Variants in MAP4 observed in about 807,000 individuals in gnomAD.
MAP4 encodes microtubule-associated protein 4.
Under a neutral mutation model 170.2 loss-of-function variants are expected in MAP4, and 76 were observed. The observed-to-expected ratio is 0.45, with a 90% CI of 0.37 to 0.54. The LOEUF is 0.54. MAP4 is among the 20% of genes least tolerant of loss of function. MAP4 has a pLI of 0.00. For synonymous variants in MAP4, 909 were observed against 994.5 expected (o/e 0.91, Z 1.62); for missense variants, 2,506 against 2,748.0 (o/e 0.91, Z 1.97).
intron 1 of MAP4, among the ~76,000 whole-genome samples, chr3:48,052,003 C>T (rs1357391106): frequency 3.3e-5 from 5 of 152,072 alleles, no homozygotes; most frequent in Admixed American, 2.6e-4. Flanking sequence ...GAGAGGTTGT[C>T]CTCTAAACTG....
At chr3:47,955,875 T>C (rs1057175366) in intron 3 of MAP4, among the ~76,000 whole-genome samples, 3 of 152,172 alleles carry the variant, frequency 2.0e-5, no homozygotes, top group Non-Finnish European at 2.9e-5. Flanking sequence ...CCAATGATAC[T>C]TGAAGTGTCC....
At chr3:47,866,218 C>A (rs1384317352) in intron 17 of MAP4, among the ~76,000 whole-genome samples, 1 of 150,832 alleles carries the variant, frequency 6.6e-6, no homozygotes, top group Non-Finnish European at 1.5e-5. Context: ...ATGCCTGTAG[C>A]CCCAGCTACT....
intron 1 of MAP4, among the ~76,000 whole-genome samples, chr3:48,062,324 C>A (rs1357964433): frequency 2.6e-5 from 4 of 151,766 alleles, no homozygotes; most frequent in Admixed American, 6.6e-5. Flanking sequence ...GTCATCACCA[C>A]TCCCTAATCT....
chr3:47,963,366 A>G (rs2100072850), intron 3 of MAP4, among the ~76,000 whole-genome samples: 1 of 152,200 alleles, frequency 6.6e-6, no homozygotes, highest in Non-Finnish European at 1.5e-5. Flanking sequence ...ACTGAAAATA[A>G]TTTCTGTCAC....
chr3:47,886,359 G>A (rs1559906054), intron 10 of MAP4, among the ~76,000 whole-genome samples: 7 of 152,150 alleles, frequency 4.6e-5, no homozygotes, highest in Admixed American at 4.6e-4. Context: ...GGAGCACAGT[G>A]GCATGATCTT....
At chr3:47,883,337 C>A (rs979787115) in intron 10 of MAP4, among the ~76,000 whole-genome samples, 1 of 152,124 alleles carries the variant, frequency 6.6e-6, no homozygotes, top group African/African-American at 2.4e-5. Flanking sequence ...GATTCTCCTG[C>A]CTCAGCCTTC....
chr3:47,875,952 TCAAA>T (rs758291799), intron 11 of MAP4, 52 bp from the exon 12 acceptor site: 4 of 1,262,818 alleles, frequency 3.2e-6, no homozygotes, highest in South Asian at 1.3e-5. Context: ...AAGGGCAACA[TCAAA>T]CAGACAAGAA....
At position 47,916,480 on chromosome 3, in the gene MAP4, G is replaced by A; in HGVS notation, c.1347C>T (p.Asp449=). 1 of 1,614,176 alleles carries A rather than the reference G, an allele frequency of 6.2e-7. No individual in the cohort carries two copies. The highest frequency in any genetic ancestry group is 8.5e-7 in the Non-Finnish European group (1 of 1,180,026). ...CGTTGGTTTCCGGGGGCAGTGTCATGTCCCTGGCCAGGGCTACCTCTGTTT... is the reference window on the plus strand; with the variant it reads ...CGTTGGTTTCCGGGGGCAGTGTCATATCCCTGGCCAGGGCTACCTCTGTTT... ...SSETEVALAR[D]MTLPPETNVI... The change falls in exon 7 of 21, where the codon GAC becomes GAT. Residue 449 remains aspartate (D), a synonymous_variant. Coordinates refer to ENST00000683076, the MANE Select transcript of MAP4 (RefSeq NM_001385682.1).
upstream of MAP4, among the ~76,000 whole-genome samples, chr3:48,016,778 ATT>A (rs35747048): frequency 1.4e-5 from 2 of 146,400 alleles, no homozygotes; most frequent in Non-Finnish European, 1.5e-5. Context: ...TTCTAAAGGC[ATT>A]TTTTTTTTTT....
chr3:48,056,396 T>G (rs1579634901), intron 1 of MAP4, among the ~76,000 whole-genome samples: 1 of 60,590 alleles, frequency 1.7e-5, no homozygotes, highest in Non-Finnish European at 3.3e-5. Flanking sequence ...GATGGGGGGG[T>G]CAGCCCCCCC....
intron 1 of MAP4, among the ~76,000 whole-genome samples, chr3:48,073,443 CT>C (rs1171043017): frequency 2.0e-5 from 3 of 151,808 alleles, no homozygotes; most frequent in African/African-American, 4.8e-5. Flanking sequence ...GAAACCCCGA[CT>C]CTACTAAAAA....
chr3:48,062,224 G>T (rs1351533603), intron 1 of MAP4, among the ~76,000 whole-genome samples: 1 of 148,300 alleles, frequency 6.7e-6, no homozygotes, highest in Non-Finnish European at 1.5e-5. Context: ...TCTGAAACAT[G>T]TGCTGTGTCC....
chr3:47,894,084 A>C (rs1397417071), intron 10 of MAP4, among the ~76,000 whole-genome samples: 1 of 152,050 alleles, frequency 6.6e-6, no homozygotes, highest in Non-Finnish European at 1.5e-5. Context: ...AAAAAAAAAA[A>C]CTGAACATGA....
intron 1 of MAP4, among the ~76,000 whole-genome samples, chr3:48,040,568 C>G (rs2100121145): frequency 1.3e-5 from 2 of 151,296 alleles, no homozygotes; most frequent in Admixed American, 6.6e-5. Context: ...CGCGCCCAGC[C>G]TATTTATTTA....
chr3:48,076,959 T>C (rs960164177), intron 1 of MAP4, among the ~76,000 whole-genome samples: 11 of 151,314 alleles, frequency 7.3e-5, no homozygotes, highest in African/African-American at 2.7e-4. Flanking sequence ...CTGGGCAATA[T>C]AAGGAGACCC....
At chr3:47,944,949 CTTT>C (rs35189919) in intron 3 of MAP4, among the ~76,000 whole-genome samples, 5 of 127,132 alleles carry the variant, frequency 3.9e-5, no homozygotes, top group Admixed American at 8.0e-5. Context: ...AAAAAGGAAC[CTTT>C]TTTTTTTTTT....
intron 1 of MAP4, among the ~76,000 whole-genome samples, chr3:48,048,028 C>T (rs1370707462): frequency 6.6e-6 from 1 of 152,136 alleles, no homozygotes; most frequent in Non-Finnish European, 1.5e-5. Flanking sequence ...TTGCTTGAGT[C>T]CAGGAGTTCA....
chr3:48,000,728 T>C (rs1286985273), intron 1 of MAP4, among the ~76,000 whole-genome samples: 1 of 152,208 alleles, frequency 6.6e-6, no homozygotes, highest in Non-Finnish European at 1.5e-5. Context: ...TGGAAGAATC[T>C]CAACTAATAC....
intron 3 of MAP4, among the ~76,000 whole-genome samples, chr3:47,952,326 G>A (rs1158293720): frequency 1.3e-4 from 20 of 149,310 alleles, no homozygotes; most frequent in African/African-American, 7.4e-5. Flanking sequence ...GCCTCTGCCC[G>A]GCCGCCCCTA....
Sources: gnomAD v4.1 joint callset for allele counts (sites outside exome capture counted in the v4.1 genomes callset) on GRCh38, gnomAD v4.1.1 for gene constraint, MANE v1.5 for transcripts, NCBI Gene and HGNC (gene_info 2026-07-23, HGNC 2026-07-21) for gene names.